Variants in RAB2B observed in about 807,000 individuals in gnomAD.
The protein encoded by RAB2B is ras-related protein Rab-2B.
A neutral mutation model predicts 29.8 loss-of-function variants in RAB2B; 20 were observed. The ratio of observed to expected loss-of-function variants is 0.67; its 90% CI spans 0.47 to 0.97. The LOEUF is 0.97. RAB2B is among the 50% of genes least tolerant of loss of function. The pLI, the probability that RAB2B is intolerant of heterozygous loss-of-function variation, is 0.00. For synonymous variants in RAB2B, 93 were observed against 91.7 expected (o/e 1.01, Z -0.08); for missense variants, 218 against 272.0 (o/e 0.80, Z 1.40).
chr14:21,459,427 TAAAC>T lies in RAB2B; in HGVS notation c.*1765_*1768del, dbSNP rs1179070860. ...CTTTTGTTTCCTTGAAAGTCTAAAATAAACCTTAAGTTTTTAACTATGTCAGTCA... is the reference window on the plus strand; with the variant it reads ...CTTTTGTTTCCTTGAAAGTCTAAAATCTTAAGTTTTTAACTATGTCAGTCA... On this transcript the variant is annotated 3_prime_UTR_variant, in exon 8 of 8. Transcript: ENST00000397762. The T allele has an allele frequency of 6.6e-6, 1 of 151,630 alleles. No individual in the cohort carries two copies. Among genetic ancestry groups the T allele is most frequent in the Non-Finnish European group, 1.5e-5 (1 of 68,008 alleles). 9.4% of individuals were successfully genotyped at this position (151,630 alleles called of 1,614,324 possible). A position where few individuals can be genotyped will look rare whatever the true frequency, so the allele number is the denominator to read the frequency against.
At chr14:21,474,960 A>C (rs1890912073) in intron 2 of RAB2B, 26 bp from the exon 3 acceptor site, 1 of 1,605,432 alleles carries the variant, frequency 6.2e-7, no homozygotes, top group African/African-American at 1.3e-5. Context: ...GAGAGAAAGA[A>C]TGTGATTCTC....
chr14:21,475,225 T>C (rs3762160), intron 2 of RAB2B, among the ~76,000 whole-genome samples: 123,745 of 152,196 alleles, frequency 0.81, 51,598 homozygotes, highest in Middle Eastern at 0.92. Flanking sequence ...TGAATACTTT[T>C]TTAGCAATGT....
At chr14:21,469,130 A>C (rs1890749972) in intron 3 of RAB2B, among the ~76,000 whole-genome samples, 2 of 151,954 alleles carry the variant, frequency 1.3e-5, no homozygotes, top group Admixed American at 1.3e-4. Flanking sequence ...TGGAAATAGG[A>C]CTGGAAACGG....
intron 2 of RAB2B, chr14:21,476,147 T>C (rs1890955254): frequency 5.8e-6 from 1 of 173,550 alleles, no homozygotes; most frequent in Non-Finnish European, 1.2e-5. Context: ...TTCACCAATA[T>C]AAAAAATGTC....
chr14:21,471,429 CAACATGGTGA>C (rs1328079853), intron 3 of RAB2B, among the ~76,000 whole-genome samples: 14 of 151,752 alleles, frequency 9.2e-5, no homozygotes, highest in Admixed American at 9.2e-4. Flanking sequence ...CCAGCCTGGG[CAACATGGTGA>C]AACCACGCCT....
At chr14:21,465,377 G>A in intron 5 of RAB2B, among the ~76,000 whole-genome samples, 1 of 152,202 alleles carries the variant, frequency 6.6e-6, no homozygotes, top group Non-Finnish European at 1.5e-5. Flanking sequence ...GCAGGCTTCT[G>A]TATCTCAGTA....
Position 21,463,751 on chromosome 14 carries a change from T to C in RAB2B, c.379A>G (p.Arg127Gly), listed in dbSNP as rs747194980. 1 of 1,610,918 alleles carries C rather than the reference T, an allele frequency of 6.2e-7. No individual in the cohort carries two copies. The highest frequency in any genetic ancestry group is 2.2e-5 in the East Asian group (1 of 44,860). ...IGNKSDLESR[R>G]DVKREEGEAF... is the part of the protein sequence containing the mutation. Reference sequence around the variant, plus strand: ...TCTCCTTCTTCTCTCTTCACATCCCTGCGGGACTCTAGGTCACTGCAAGAG... The same window carrying C: ...TCTCCTTCTTCTCTCTTCACATCCCCGCGGGACTCTAGGTCACTGCAAGAG... Residue 127 changes from arginine (R) to glycine (G), a missense_variant, in exon 6 of 8, where the codon AGG (arginine) becomes GGG (glycine). Transcript: ENST00000397762.
chr14:21,470,260 T>G (rs1890777902), intron 3 of RAB2B, among the ~76,000 whole-genome samples: 1 of 152,112 alleles, frequency 6.6e-6, no homozygotes, highest in Non-Finnish European at 1.5e-5. Flanking sequence ...GCTTATTATT[T>G]CCTTTTAAAA....
intron 3 of RAB2B, among the ~76,000 whole-genome samples, chr14:21,474,006 C>T (rs777451591): frequency 8.6e-5 from 13 of 151,738 alleles, no homozygotes; most frequent in South Asian, 2.1e-4. Context: ...AGTAAGACTC[C>T]GTCTCAGAAA....
chr14:21,466,009 G>A (rs561405526), intron 5 of RAB2B, among the ~76,000 whole-genome samples: 12 of 152,146 alleles, frequency 7.9e-5, no homozygotes, highest in African/African-American at 1.2e-4. Context: ...TTATTCTTTC[G>A]TAGCACCCTT....
chr14:21,473,045 T>C (rs1305309567), intron 3 of RAB2B, among the ~76,000 whole-genome samples: 1 of 151,916 alleles, frequency 6.6e-6, no homozygotes, highest in Non-Finnish European at 1.5e-5. Flanking sequence ...ATACAAAAAT[T>C]CCCCAGTGCA....
Position 21,461,653 on chromosome 14 carries a change from T to A in RAB2B, c.544-350A>T, listed in dbSNP as rs148832011. On this transcript the variant is annotated intron_variant, in intron 7 of 7. Coordinates refer to ENST00000397762, the MANE Select transcript of RAB2B (RefSeq NM_032846.4). ...CAGTGGCTATTCACAGTATGATCAG[T>A]GTGCACTATAGCCTCAAACTTCTGG... Among the ~76,000 whole-genome samples, 302 of 152,228 alleles carry A rather than the reference T, an allele frequency of 2.0e-3. 7 individuals are homozygous for A. In the East Asian group the frequency reaches 0.039, roughly 20 times the overall value.
intron 2 of RAB2B, 83 bp from the exon 3 acceptor site, chr14:21,475,017 G>T: frequency 9.6e-7 from 1 of 1,038,296 alleles, no homozygotes; most frequent in Non-Finnish European, 1.5e-6. Context: ...TTTCCTCAAT[G>T]TGTTATAACC....
In RAB2B at chr14:21,461,216, A is replaced by C. The variant is rs749391593; in HGVS notation, c.631T>G (p.Ser211Ala). 9 of 1,613,026 alleles carry C rather than the reference A, an allele frequency of 5.6e-6. No individual in the cohort carries two copies. Among genetic ancestry groups the C allele is most frequent in the Non-Finnish European group, 6.8e-6 (8 of 1,179,466 alleles). Residue 211 changes from serine (S) to alanine (A), a missense_variant, in exon 8 of 8, where the codon TCC (serine) becomes GCC (alanine). By Grantham distance (99) the Ser-to-Ala change is moderately conservative. Coordinates refer to ENST00000397762, the MANE Select transcript of RAB2B (RefSeq NM_032846.4). ...ASQRNSRDIGSNSGCC is the reference protein window; with the variant it reads ...ASQRNSRDIGANSGCC Reference sequence around the variant, plus strand: ...GATGTTCAGCAGCAGCCAGAGTTGGACCCTATGTCACGAGAGTTCCGCTGG... The same window carrying C: ...GATGTTCAGCAGCAGCCAGAGTTGGCCCCTATGTCACGAGAGTTCCGCTGG...
At position 21,476,515 on chromosome 14, in the gene RAB2B, T is replaced by G; in HGVS notation, c.118+13A>C. 1 of 1,613,760 alleles carries G rather than the reference T, an allele frequency of 6.2e-7. No homozygotes were observed. The highest frequency in any genetic ancestry group is 8.5e-7 in the Non-Finnish European group (1 of 1,180,020). On this transcript the variant is annotated intron_variant, in intron 2 of 7. Coordinates refer to ENST00000397762, the MANE Select transcript of RAB2B (RefSeq NM_032846.4). ...GTTTTATCATCTGTTCTGGAACAAG[T>G]AGATGCACTTACCTATTGTGAGGTC...
rs555099975 is a variant in RAB2B, at chr14:21,460,369, G to C, written c.*827C>G. On this transcript the variant is annotated 3_prime_UTR_variant, in exon 8 of 8. Transcript: ENST00000397762. ...TGGGAGGCCAAGGTGGGCGGATCAC[G>C]AGGTCAAGAGATCAAGACCATCCTG... 2.0e-6 allele frequency: 1 copy of C among 491,742 alleles called. No individual in the cohort carries two copies. Among genetic ancestry groups the C allele is most frequent in the African/African-American group, 2.0e-5 (1 of 50,742 alleles). 30.5% of individuals were successfully genotyped at this position (491,742 alleles called of 1,614,324 possible).
Position 21,461,232 on chromosome 14 carries a change from G to A in RAB2B, c.615C>T (p.Asn205=), listed in dbSNP as rs1454441325. ...TSVGPSASQR[N]SRDIGSNSGC... ...CAGAGTTGGACCCTATGTCACGAGA[G>A]TTCCGCTGGGAGGCACTGGGTCCCA... The change falls in exon 8 of 8, where the codon AAC becomes AAT. Residue 205 remains asparagine, a synonymous_variant. Transcript: ENST00000397762. The A allele has an allele frequency of 1.2e-6, 2 of 1,613,698 alleles. No individual in the cohort carries two copies. The highest frequency in any genetic ancestry group is 2.7e-5 in the African/African-American group (2 of 74,914).
chr14:21,471,972 G>A (rs868566984), intron 3 of RAB2B, among the ~76,000 whole-genome samples: 1 of 151,908 alleles, frequency 6.6e-6, no homozygotes, highest in East Asian at 1.9e-4. Flanking sequence ...CACGACACCC[G>A]GCCTAGATGA....
intron 5 of RAB2B, among the ~76,000 whole-genome samples, chr14:21,464,282 C>G (rs757479627): frequency 6.6e-6 from 1 of 152,172 alleles, no homozygotes; most frequent in Admixed American, 6.5e-5. Context: ...TGCCTGTAAT[C>G]CCAGCTACTC....
Sources: gnomAD v4.1 joint callset for allele counts (sites outside exome capture counted in the v4.1 genomes callset) on GRCh38, gnomAD v4.1.1 for gene constraint, MANE v1.5 for transcripts, NCBI Gene and HGNC (gene_info 2026-07-23, HGNC 2026-07-21) for gene names.